The following CDC14A variants were observed in gnomAD, a reference collection of about 807,000 sequenced individuals.
CDC14A encodes cell division cycle 14A.
Under a neutral mutation model 74.4 loss-of-function variants are expected in CDC14A, and 53 were observed. The observed-to-expected ratio is 0.71, with a 90% confidence interval of 0.57 to 0.89. The LOEUF (loss-of-function observed/expected upper bound fraction) is 0.89. CDC14A is among the 40% of genes least tolerant of loss of function. The pLI, the probability that CDC14A is intolerant of heterozygous loss-of-function variation, is 0.00. For synonymous variants in CDC14A, 247 were observed against 258.4 expected (o/e 0.96, Z 0.43); for missense variants, 646 against 713.7 (o/e 0.91, Z 1.08).
intron 3 of CDC14A, among the ~76,000 whole-genome samples, chr1:100,387,559 G>A (rs1557704429): frequency 6.6e-6 from 1 of 152,150 alleles, no homozygotes; most frequent in Non-Finnish European, 1.5e-5. Context: ...CCTGTGGGGA[G>A]TTTCTCATAG....
At chr1:100,497,433 G>C (rs919269835) in intron 13 of CDC14A, among the ~76,000 whole-genome samples, 22 of 152,214 alleles carry the variant, frequency 1.4e-4, no homozygotes, top group African/African-American at 5.3e-4. Context: ...GGCTGCATAT[G>C]CCAAGCCAAA....
At chr1:100,424,832 G>A (rs1454905810) in intron 5 of CDC14A, among the ~76,000 whole-genome samples, 1 of 152,146 alleles carries the variant, frequency 6.6e-6, no homozygotes, top group Non-Finnish European at 1.5e-5. Flanking sequence ...ATCATCAAAA[G>A]AAGATCTTTT....
At chr1:100,393,816 G>C (rs1305066220) in intron 4 of CDC14A, among the ~76,000 whole-genome samples, 1 of 151,950 alleles carries the variant, frequency 6.6e-6, no homozygotes, top group Non-Finnish European at 1.5e-5. Flanking sequence ...GGTGATGCGA[G>C]CCTGTAGTCC....
At chr1:100,457,706 T>C (rs7526455) in intron 8 of CDC14A, among the ~76,000 whole-genome samples, 45,765 of 150,852 alleles carry the variant, frequency 0.3, 10,106 homozygotes, top group African/African-American at 0.63. Context: ...TGGGCTCATG[T>C]GATCCTCCTG....
chr1:100,472,591 C>T (rs72986222), intron 10 of CDC14A, among the ~76,000 whole-genome samples: 8,655 of 151,876 alleles, frequency 0.057, 833 homozygotes, highest in African/African-American at 0.2. Flanking sequence ...TTGATGAAAT[C>T]CCTTTTATCA....
intron 2 of CDC14A, among the ~76,000 whole-genome samples, chr1:100,357,417 A>G (rs1652067486): frequency 6.6e-6 from 1 of 152,194 alleles, no homozygotes; most frequent in African/African-American, 2.4e-5. Context: ...TTGGGGAAGT[A>G]TAGAATGAGA....
At chr1:100,514,871 A>G (rs76832914) in intron 15 of CDC14A, among the ~76,000 whole-genome samples, 2,509 of 152,352 alleles carry the variant, frequency 0.016, 65 homozygotes, top group African/African-American at 0.058. Context: ...ATCAATAGCA[A>G]TAATATTGTT....
intron 13 of CDC14A, among the ~76,000 whole-genome samples, 192 bp from the exon 14 acceptor site, chr1:100,497,893 C>T (rs779197510): frequency 4.6e-5 from 7 of 150,614 alleles, no homozygotes; most frequent in Non-Finnish European, 7.4e-5. Context: ...GCTGAGCTGA[C>T]ATCTTTAAGG....
chr1:100,396,350 T>G (rs1179116080), intron 4 of CDC14A, among the ~76,000 whole-genome samples: 1 of 152,202 alleles, frequency 6.6e-6, no homozygotes, highest in African/African-American at 2.4e-5. Flanking sequence ...ACTATTTCAG[T>G]ATTTGAACAC....
At chr1:100,350,119 T>C (rs900802858), upstream of CDC14A, among the ~76,000 whole-genome samples, 3 of 152,112 alleles carry the variant, frequency 2.0e-5, no homozygotes, top group African/African-American at 7.2e-5. Context: ...TCCTGGCTAA[T>C]TTTTTTGTAT....
chr1:100,449,103 A>G (rs980800), intron 7 of CDC14A, among the ~76,000 whole-genome samples: 16,418 of 152,246 alleles, frequency 0.11, 1,083 homozygotes, highest in East Asian at 0.25. Flanking sequence ...CATTATTGCT[A>G]TCTTCACCTA....
At chr1:100,469,216 G>T (rs1288610467) in intron 10 of CDC14A, among the ~76,000 whole-genome samples, 1 of 152,158 alleles carries the variant, frequency 6.6e-6, no homozygotes, top group Non-Finnish European at 1.5e-5. Context: ...TAAACTCTTA[G>T]CATCTGAAAT....
chr1:100,382,622 A>AG (rs1424234759), intron 3 of CDC14A, among the ~76,000 whole-genome samples: 2 of 152,140 alleles, frequency 1.3e-5, no homozygotes, highest in Non-Finnish European at 2.9e-5. Flanking sequence ...CTCTGAAAAA[A>AG]GGGGACATTT....
chr1:100,420,598 A>T (rs1662247577), intron 4 of CDC14A, among the ~76,000 whole-genome samples: 1 of 152,178 alleles, frequency 6.6e-6, no homozygotes, highest in African/African-American at 2.4e-5. Flanking sequence ...ATATTCATTT[A>T]TGTATAGACT....
intron 2 of CDC14A, among the ~76,000 whole-genome samples, chr1:100,372,927 C>T (rs1654683860): frequency 6.6e-6 from 1 of 152,216 alleles, no homozygotes; most frequent in Non-Finnish European, 1.5e-5. Context: ...CTGGTTTCAT[C>T]TTCTATCCAG....
At position 100,395,344 on chromosome 1, in the gene CDC14A, TC is replaced by T. The variant is rs547465384; in HGVS notation, c.309+4523del. Among the ~76,000 whole-genome samples the T allele has an allele frequency of 3.8e-3, 581 of 152,314 alleles. 6 individuals carry two copies. The highest frequency in any genetic ancestry group is 0.013 in the African/African-American group (536 of 41,560). ...AAAACAGAAGTTTTTATTCCTTCTC[TC>T]CCTAAATGTATTTATTTCCCAAGTC... is the stretch of plus-strand genomic sequence containing the variant. On this transcript the variant is annotated intron_variant, in intron 4 of 15. Coordinates refer to ENST00000336454, the MANE Select transcript of CDC14A (RefSeq NM_003672.4).
intron 15 of CDC14A, among the ~76,000 whole-genome samples, chr1:100,517,329 A>C (rs1313731657): frequency 2.0e-5 from 3 of 152,236 alleles, no homozygotes; most frequent in Admixed American, 1.3e-4. Flanking sequence ...TTACAGACTA[A>C]TTTGAGAAAT....
intron 15 of CDC14A, among the ~76,000 whole-genome samples, chr1:100,509,421 T>C (rs1342658729): frequency 6.6e-6 from 1 of 152,224 alleles, no homozygotes; most frequent in East Asian, 1.9e-4. Context: ...ATTTTTGTTA[T>C]CTCCAAAGCA....
intron 4 of CDC14A, among the ~76,000 whole-genome samples, chr1:100,404,811 C>G (rs538009603): frequency 1.7e-4 from 26 of 151,932 alleles, no homozygotes; most frequent in African/African-American, 6.0e-4. Context: ...GCCTGGGCAA[C>G]AGAGCGAGAC....
Sources: allele counts gnomAD v4.1 joint callset (sites outside exome capture counted in the v4.1 genomes callset), GRCh38; gene constraint gnomAD v4.1.1; transcripts MANE v1.5; gene names NCBI Gene and HGNC (gene_info 2026-07-23, HGNC 2026-07-21).